The following TRIM55 variants were observed in gnomAD, a reference collection of about 807,000 sequenced individuals.
TRIM55 encodes tripartite motif-containing protein 55.
In TRIM55, 50 loss-of-function variants were observed where a neutral mutation model predicts 60.9. The observed-to-expected ratio is 0.82, with a 90% confidence interval of 0.65 to 1.04. TRIM55 has a LOEUF of 1.04. Among genes scored for constraint, TRIM55 ranks in the 50% least tolerant of loss-of-function variants. TRIM55 has a pLI of 0.00. For missense variants in TRIM55, 681 were observed against 666.9 expected, an observed-to-expected ratio of 1.02 and a Z score of -0.23; for synonymous variants, 237 against 238.1, an observed-to-expected ratio of 1.00 and a Z score of 0.04.
At chr8:66,133,953 A>T (rs1370579793) in intron 2 of TRIM55, among the ~76,000 whole-genome samples, 1 of 152,174 alleles carries the variant, frequency 6.6e-6, no homozygotes, top group Non-Finnish European at 1.5e-5. Context: ...ACACACACAA[A>T]CACACATATA....
chr8:66,119,286 C>T, the TRIM55 span, among the ~76,000 whole-genome samples: 1 of 152,280 alleles, frequency 6.6e-6, no homozygotes, highest in East Asian at 1.9e-4. Context: ...ATCAGTCTTC[C>T]GACTCCTCTT....
chr8:66,155,823 C>A, intron 9 of TRIM55: 1 of 732,182 alleles, frequency 1.4e-6, no homozygotes, highest in Non-Finnish European at 2.3e-6. Context: ...GCTCAGTCCT[C>A]CCAAAAGAAC....
chr8:66,170,685 G>A lies in TRIM55; in HGVS notation c.1525-3786G>A, dbSNP rs564071609. ...GATGTGGTAAAATTGGAACCCTCAT[G>A]CACTGCTGGGAGAATGTAAAATGGT... On this transcript the variant is annotated intron_variant, in intron 9 of 9. Transcript: ENST00000315962. Among the ~76,000 whole-genome samples the A allele has an allele frequency of 2.6e-5, 4 of 152,284 alleles. No homozygotes were observed. In the South Asian group the frequency reaches 6.2e-4, roughly 24 times the overall value.
At chr8:66,172,249 A>G (rs1811683444) in intron 9 of TRIM55, among the ~76,000 whole-genome samples, 1 of 152,206 alleles carries the variant, frequency 6.6e-6, no homozygotes, top group African/African-American at 2.4e-5. Context: ...AACTTGTCCA[A>G]GTCATACAGC....
chr8:66,174,758 TG>T lies in TRIM55; in HGVS notation c.*171del, dbSNP rs1811833003. On this transcript the variant is annotated 3_prime_UTR_variant, in exon 10 of 10. Coordinates refer to ENST00000315962, the MANE Select transcript of TRIM55 (RefSeq NM_184085.2). The stretch of plus-strand genomic sequence containing the variant: ...ATTCCATATGACTTATCTAACATCT[TG>T]GGGGGAAAGAATATTTTGAGAAAAT... The T allele has an allele frequency of 1.8e-6, 1 of 564,854 alleles. No individual in the cohort carries two copies. Among genetic ancestry groups the T allele is most frequent in the Non-Finnish European group, 2.7e-6 (1 of 365,100 alleles). The allele number at this position is 564,854 out of a possible 1,614,324, so 35.0% of individuals were successfully genotyped here.
At chr8:66,113,700 G>A in the TRIM55 span, 11 of 412,576 alleles carry the variant, frequency 2.7e-5, no homozygotes, top group Admixed American at 2.7e-4. Flanking sequence ...CACGACTTCT[G>A]CGTCTTCTTA....
At chr8:66,151,294 A>G (rs7838500) in intron 7 of TRIM55, among the ~76,000 whole-genome samples, 35,046 of 152,036 alleles carry the variant, frequency 0.23, 8,112 homozygotes, top group African/African-American at 0.6. Flanking sequence ...TTGGCCCAGA[A>G]GTCCCATTTC....
chr8:66,166,842 G>A, intron 9 of TRIM55, among the ~76,000 whole-genome samples: 1 of 152,148 alleles, frequency 6.6e-6, no homozygotes, highest in Non-Finnish European at 1.5e-5. Context: ...AAGAAAAGTG[G>A]ATGAATCCCC....
intron 9 of TRIM55, among the ~76,000 whole-genome samples, chr8:66,171,129 G>A (rs1811603694): frequency 6.6e-6 from 1 of 152,138 alleles, no homozygotes; most frequent in Non-Finnish European, 1.5e-5. Flanking sequence ...GTACAGGTTT[G>A]TTACATAGGT....
rs560798711 is a variant in TRIM55 at position 66,175,309 on chromosome 8, A to T, written c.*716A>T. The T allele has an allele frequency of 6.6e-6, 1 of 152,322 alleles. No homozygotes were observed. 9.4% of individuals were successfully genotyped at this position (152,322 alleles called of 1,614,324 possible). On this transcript the variant is annotated 3_prime_UTR_variant, in exon 10 of 10. Transcript: ENST00000315962. Reference sequence around the variant, plus strand: ...TACTTTCTCTTTTATTCACTGTGGCACCAATCTGGTAAATTGTAGAACAAT... The same window carrying T: ...TACTTTCTCTTTTATTCACTGTGGCTCCAATCTGGTAAATTGTAGAACAAT...
chr8:66,122,826 A>G (rs976812876), upstream of TRIM55, among the ~76,000 whole-genome samples: 7 of 152,220 alleles, frequency 4.6e-5, no homozygotes, highest in African/African-American at 1.4e-4. Context: ...TAGCAATAAG[A>G]TACCAAATTC....
At chr8:66,163,497 T>C (rs1811158051) in intron 9 of TRIM55, among the ~76,000 whole-genome samples, 1 of 152,312 alleles carries the variant, frequency 6.6e-6, no homozygotes, top group Non-Finnish European at 1.5e-5. Flanking sequence ...TTAAAACATT[T>C]TCTAGCTTAC....
At chr8:66,136,801 GA>G (rs1563368358) in intron 3 of TRIM55, among the ~76,000 whole-genome samples, 1 of 152,174 alleles carries the variant, frequency 6.6e-6, no homozygotes, top group Non-Finnish European at 1.5e-5. Flanking sequence ...TTGGGTCCCT[GA>G]AGTCACATAT....
intron 9 of TRIM55, among the ~76,000 whole-genome samples, chr8:66,161,755 GTT>G (rs34655404): frequency 2.8e-4 from 37 of 132,144 alleles, no homozygotes; most frequent in African/African-American, 9.8e-4. Context: ...TATTCCTAAG[GTT>G]TTTTTTTTTT....
chr8:66,149,572 A>T lies in TRIM55; in HGVS notation c.604-73A>T, dbSNP rs1338069382. 3.4e-6 allele frequency: 4 copies of T among 1,192,466 alleles called. No homozygotes were observed. The African/African-American group carries it at 6.2e-5, about 19-fold the overall frequency. 73.9% of individuals were successfully genotyped at this position (1,192,466 alleles called of 1,614,324 possible). ...ACATAAGTAAATGTTCTTCTTTCCC[A>T]GGATAACTAGGTGATTTCTCCAAAT... On this transcript the variant is annotated intron_variant, in intron 4 of 9. Coordinates refer to ENST00000315962, the MANE Select transcript of TRIM55 (RefSeq NM_184085.2).
chr8:66,129,085 T>C (rs1391115805), intron 2 of TRIM55, among the ~76,000 whole-genome samples: 1 of 152,230 alleles, frequency 6.6e-6, no homozygotes, highest in Non-Finnish European at 1.5e-5. Flanking sequence ...AAATTCAGGT[T>C]ATGTTTCCCT....
intron 2 of TRIM55, 134 bp from the exon 3 acceptor site, chr8:66,134,856 G>A: frequency 1.1e-6 from 1 of 920,688 alleles, no homozygotes; most frequent in East Asian, 2.7e-5. Context: ...AGGGCCCCTG[G>A]GGGTCTTCTG....
the TRIM55 span, chr8:66,114,516 C>G: frequency 2.2e-6 from 1 of 455,704 alleles, no homozygotes; most frequent in Non-Finnish European, 4.4e-6. Flanking sequence ...CATGTATTAT[C>G]ACTCAGAATC....
chr8:66,134,053 AT>A (rs1809332899), intron 2 of TRIM55, among the ~76,000 whole-genome samples: 2 of 152,220 alleles, frequency 1.3e-5, no homozygotes. Flanking sequence ...AATTCACAGT[AT>A]TTGCTATTCC....
Sources: gnomAD v4.1 joint callset for allele counts (sites outside exome capture counted in the v4.1 genomes callset) on GRCh38, gnomAD v4.1.1 for gene constraint, MANE v1.5 for transcripts, NCBI Gene and HGNC (gene_info 2026-07-23, HGNC 2026-07-21) for gene names.